Variants in SLC35D4 observed in about 807,000 individuals in gnomAD.
SLC35D4 encodes UDP-N-acetylglucosamine transporter SLC35D4.
the SLC35D4 span, among the ~76,000 whole-genome samples, chr18:23,381,060 G>T: frequency 6.6e-6 from 1 of 152,166 alleles, no homozygotes; most frequent in African/African-American, 2.4e-5. Context: ...AAGGCTCCTA[G>T]CTGTATCATC....
chr18:23,239,867 C>T, the SLC35D4 span, among the ~76,000 whole-genome samples: 1 of 152,270 alleles, frequency 6.6e-6, no homozygotes, highest in Non-Finnish European at 1.5e-5. Context: ...CCTGTAATCC[C>T]AGAACTTTGG....
the SLC35D4 span, among the ~76,000 whole-genome samples, chr18:23,290,383 G>A: frequency 6.6e-6 from 1 of 152,200 alleles, no homozygotes; most frequent in Non-Finnish European, 1.5e-5. Flanking sequence ...GGGGCTCCTG[G>A]ACTTTGCCCG....
the SLC35D4 span, among the ~76,000 whole-genome samples, chr18:23,371,923 C>CTTATTTATTTTTT: frequency 9.0e-6 from 1 of 111,550 alleles, no homozygotes; most frequent in Non-Finnish European, 1.7e-5. Flanking sequence ...TTATTTCTTC[C>CTTATTTATTTTTT]TTGTTTTTTT....
the SLC35D4 span, among the ~76,000 whole-genome samples, chr18:23,242,047 G>C: frequency 6.6e-6 from 1 of 152,124 alleles, no homozygotes; most frequent in Non-Finnish European, 1.5e-5. Context: ...AGGCCGAGGC[G>C]GGTGGATCAC....
At chr18:23,275,945 A>G in the SLC35D4 span, among the ~76,000 whole-genome samples, 2 of 152,226 alleles carry the variant, frequency 1.3e-5, no homozygotes, top group Admixed American at 1.3e-4. Flanking sequence ...CAGCGAAGGA[A>G]GGAACGGGGA....
the SLC35D4 span, among the ~76,000 whole-genome samples, chr18:23,422,393 C>T: frequency 2.6e-5 from 4 of 152,078 alleles, no homozygotes; most frequent in East Asian, 7.7e-4. Context: ...ACTTAGGTGG[C>T]ATTCCACCTC....
the SLC35D4 span, among the ~76,000 whole-genome samples, chr18:23,264,523 C>T: frequency 1.3e-5 from 2 of 151,940 alleles, no homozygotes; most frequent in East Asian, 1.9e-4. Flanking sequence ...CCACTACGCC[C>T]GGCTAATTTT....
chr18:23,347,330 T>C, the SLC35D4 span, among the ~76,000 whole-genome samples: 1 of 152,224 alleles, frequency 6.6e-6, no homozygotes, highest in Admixed American at 6.5e-5. Flanking sequence ...TTATCTACAA[T>C]ATACAATCCT....
chr18:23,383,983 T>C, the SLC35D4 span, among the ~76,000 whole-genome samples: 1 of 111,000 alleles, frequency 9.0e-6, no homozygotes, highest in Non-Finnish European at 1.7e-5. Flanking sequence ...CTCTCTATAG[T>C]TTAAAAGTTC....
At chr18:23,260,750 G>A in the SLC35D4 span, among the ~76,000 whole-genome samples, 1 of 152,164 alleles carries the variant, frequency 6.6e-6, no homozygotes, top group Non-Finnish European at 1.5e-5. Flanking sequence ...CACCTCCCCG[G>A]GGCTGTTGGC....
chr18:23,371,078 C>CCT, the SLC35D4 span, among the ~76,000 whole-genome samples: 2 of 146,442 alleles, frequency 1.4e-5, no homozygotes, highest in South Asian at 2.2e-4. Context: ...TCTCTCCTTC[C>CCT]CTCTCTCCCT....
the SLC35D4 span, among the ~76,000 whole-genome samples, chr18:23,366,360 T>C: frequency 6.6e-6 from 1 of 152,214 alleles, no homozygotes; most frequent in Non-Finnish European, 1.5e-5. Context: ...CCCCACCCTC[T>C]GCAACCTCTT....
chr18:23,342,415 T>C, the SLC35D4 span, among the ~76,000 whole-genome samples: 1 of 152,274 alleles, frequency 6.6e-6, no homozygotes, highest in South Asian at 2.1e-4. Flanking sequence ...TCCTTCTGAT[T>C]ATTGAATAGT....
chr18:23,249,770 T>C, the SLC35D4 span, among the ~76,000 whole-genome samples: 1 of 152,028 alleles, frequency 6.6e-6, no homozygotes, highest in South Asian at 2.1e-4. Flanking sequence ...CCGACAGCCC[T>C]TTCCACTGCT....
At chr18:23,392,839 C>T in the SLC35D4 span, among the ~76,000 whole-genome samples, 7 of 152,180 alleles carry the variant, frequency 4.6e-5, no homozygotes, top group Non-Finnish European at 8.8e-5. Context: ...CTGAGTGAGA[C>T]AAGTAAGAAC....
the SLC35D4 span, among the ~76,000 whole-genome samples, chr18:23,263,592 CGTG>C: frequency 6.6e-6 from 1 of 152,262 alleles, no homozygotes; most frequent in South Asian, 2.1e-4. Flanking sequence ...GCTAGTGTCT[CGTG>C]GTGCATGTGT....
At chr18:23,285,341 GTTC>G in the SLC35D4 span, among the ~76,000 whole-genome samples, 3 of 151,522 alleles carry the variant, frequency 2.0e-5, no homozygotes, top group African/African-American at 7.3e-5. Flanking sequence ...CTTAGCCTGT[GTTC>G]TTAAGAACTT....
At chr18:23,362,240 C>T in the SLC35D4 span, among the ~76,000 whole-genome samples, 1 of 152,228 alleles carries the variant, frequency 6.6e-6, no homozygotes, top group Non-Finnish European at 1.5e-5. Flanking sequence ...AAACCAAAAG[C>T]AGCTCCAGAC....
chr18:23,435,008 A>T, the SLC35D4 span, among the ~76,000 whole-genome samples: 2 of 151,676 alleles, frequency 1.3e-5, no homozygotes, highest in Non-Finnish European at 2.9e-5. Context: ...AAATATAAAT[A>T]TTAGCCCAGC....
Sources: allele counts gnomAD v4.1 joint callset (sites outside exome capture counted in the v4.1 genomes callset), GRCh38; gene constraint gnomAD v4.1.1; transcripts MANE v1.5; gene names NCBI Gene and HGNC (gene_info 2026-07-23, HGNC 2026-07-21).